The following LOC400499 variants were observed in gnomAD, a reference collection of about 807,000 sequenced individuals.
chr16:11,394,369 C>T, the LOC400499 span, among the ~76,000 whole-genome samples: 6 of 152,184 alleles, frequency 3.9e-5, no homozygotes, highest in African/African-American at 1.4e-4. Flanking sequence ...GCCTCAGCTA[C>T]CCTGTATTCT....
the LOC400499 span, among the ~76,000 whole-genome samples, chr16:11,437,784 G>T: frequency 6.6e-6 from 1 of 152,118 alleles, no homozygotes; most frequent in African/African-American, 2.4e-5. Flanking sequence ...CACAAGAATC[G>T]CTTGAACCTG....
the LOC400499 span, among the ~76,000 whole-genome samples, chr16:11,506,707 C>T: frequency 6.6e-6 from 1 of 152,210 alleles, no homozygotes. Context: ...TATGGAAGGC[C>T]CGACTCGGGG....
At chr16:11,500,346 G>GA in the LOC400499 span, among the ~76,000 whole-genome samples, 2,037 of 151,882 alleles carry the variant, frequency 0.013, 50 homozygotes, top group African/African-American at 0.047. Context: ...CGTCTCTACT[G>GA]AAAAAAATAC....
At chr16:11,375,588 C>G in the LOC400499 span, among the ~76,000 whole-genome samples, 4 of 151,984 alleles carry the variant, frequency 2.6e-5, no homozygotes. Flanking sequence ...GCTGGGATTA[C>G]AGGCGTGAGC....
At chr16:11,422,951 C>T in the LOC400499 span, among the ~76,000 whole-genome samples, 1 of 152,310 alleles carries the variant, frequency 6.6e-6, no homozygotes, top group Admixed American at 6.5e-5. Flanking sequence ...GATGGGACCA[C>T]TCGATGACCA....
chr16:11,439,183 C>T, the LOC400499 span, among the ~76,000 whole-genome samples: 1 of 151,920 alleles, frequency 6.6e-6, no homozygotes, highest in Non-Finnish European at 1.5e-5. Context: ...CATGGCTTCT[C>T]CCAAGCCCAA....
the LOC400499 span, among the ~76,000 whole-genome samples, chr16:11,400,166 T>A: frequency 6.6e-6 from 1 of 151,884 alleles, no homozygotes; most frequent in African/African-American, 2.4e-5. Flanking sequence ...GATCTGTCCC[T>A]GCCCATCTGA....
chr16:11,417,972 C>A, the LOC400499 span: 1 of 397,086 alleles, frequency 2.5e-6, no homozygotes, highest in East Asian at 3.6e-5. Context: ...GAACTCAGAC[C>A]CTCTTGAAGG....
the LOC400499 span, chr16:11,477,895 G>A: frequency 5.0e-6 from 2 of 398,932 alleles, no homozygotes; most frequent in Admixed American, 8.8e-5. Flanking sequence ...CCCGGATGCT[G>A]ATGGCAGCCG....
the LOC400499 span, among the ~76,000 whole-genome samples, chr16:11,458,926 A>T: frequency 6.6e-6 from 1 of 151,550 alleles, no homozygotes; most frequent in African/African-American, 2.4e-5. Context: ...AATCCCAACT[A>T]CTCAGGAGGC....
At chr16:11,427,162 A>T in the LOC400499 span, among the ~76,000 whole-genome samples, 1 of 151,592 alleles carries the variant, frequency 6.6e-6, no homozygotes, top group Non-Finnish European at 1.5e-5. Context: ...GTTCAAGACC[A>T]GCCTGACCAA....
chr16:11,434,704 C>G, the LOC400499 span, among the ~76,000 whole-genome samples: 1 of 152,220 alleles, frequency 6.6e-6, no homozygotes, highest in Non-Finnish European at 1.5e-5. Flanking sequence ...CTGGCCCTGG[C>G]TTGGAATTCA....
the LOC400499 span, chr16:11,413,070 G>A: frequency 7.6e-6 from 3 of 396,086 alleles, no homozygotes. Context: ...CCTAAGCCCA[G>A]CATGGCCTGG....
chr16:11,462,250 C>T, the LOC400499 span: 110 of 1,528,850 alleles, frequency 7.2e-5, 1 homozygote, highest in East Asian at 2.3e-3. Flanking sequence ...CCTCCAGCTG[C>T]GCCTGGAACC....
chr16:11,420,309 T>C, the LOC400499 span, among the ~76,000 whole-genome samples: 4 of 151,470 alleles, frequency 2.6e-5, no homozygotes, highest in African/African-American at 7.3e-5. Flanking sequence ...ATGGATGAAA[T>C]TAGAAATCAT....
chr16:11,482,057 G>A, the LOC400499 span, among the ~76,000 whole-genome samples: 2 of 152,312 alleles, frequency 1.3e-5, no homozygotes, highest in East Asian at 3.9e-4. Flanking sequence ...GACTTCTACT[G>A]CCAACCAAAT....
the LOC400499 span, chr16:11,501,012 A>G: frequency 2.5e-6 from 1 of 398,758 alleles, no homozygotes; most frequent in Non-Finnish European, 4.4e-6. Context: ...GCGCCTGCAA[A>G]GCTCATCTCA....
chr16:11,413,062 T>C, the LOC400499 span: 53,565 of 396,430 alleles, frequency 0.14, 5,643 homozygotes, highest in African/African-American at 0.39. Flanking sequence ...TCCCTGTCCC[T>C]AAGCCCAGCA....
the LOC400499 span, among the ~76,000 whole-genome samples, chr16:11,400,680 A>G: frequency 6.6e-6 from 1 of 152,108 alleles, no homozygotes; most frequent in Non-Finnish European, 1.5e-5. Flanking sequence ...GCCTCAAGTG[A>G]TCCACTGGCC....
Sources: allele counts gnomAD v4.1 joint callset (sites outside exome capture counted in the v4.1 genomes callset), GRCh38; gene constraint gnomAD v4.1.1; transcripts MANE v1.5.